Variants in EFHD1 observed in about 807,000 individuals in gnomAD.
EFHD1 encodes the protein EF-hand domain-containing protein D1.
EFHD1 carries 10 observed loss-of-function variants against 17.2 expected under a neutral mutation model. The observed-to-expected ratio is 0.58, with a 90% CI of 0.36 to 0.99. The LOEUF is 0.99. Ranked by LOEUF, EFHD1 falls within the 50% of genes least tolerant of loss-of-function variation. The probability of loss-of-function intolerance (pLI) is 0.01; values close to 1 mark genes in which losing one functional copy is unlikely to be tolerated. For synonymous variants in EFHD1, 153 were observed against 142.0 expected (o/e 1.08, Z -0.55); for missense variants, 310 against 327.5 (o/e 0.95, Z 0.41).
At chr2:232,668,685 G>T (rs916563179) in intron 2 of EFHD1, among the ~76,000 whole-genome samples, 1 of 152,126 alleles carries the variant, frequency 6.6e-6, no homozygotes, top group African/African-American at 2.4e-5. Flanking sequence ...CCAGGCTGGA[G>T]TGCAATGGCG....
At chr2:232,608,544 T>A (rs1019252613) in intron 1 of EFHD1, among the ~76,000 whole-genome samples, 2 of 152,212 alleles carry the variant, frequency 1.3e-5, no homozygotes, top group Admixed American at 1.3e-4. Flanking sequence ...TTTTGATCTA[T>A]GGTTGGTTGA....
chr2:232,654,614 G>A (rs1165966254), intron 1 of EFHD1, among the ~76,000 whole-genome samples: 1 of 151,986 alleles, frequency 6.6e-6, no homozygotes, highest in African/African-American at 2.4e-5. Flanking sequence ...TTTTAGTAGA[G>A]ACAGGGTTTC....
chr2:232,651,385 A>C (rs1694651286), intron 1 of EFHD1, among the ~76,000 whole-genome samples: 1 of 152,226 alleles, frequency 6.6e-6, no homozygotes, highest in African/African-American at 2.4e-5. Flanking sequence ...ATCCACCTGC[A>C]TTTGCCTTTC....
chr2:232,608,620 CAA>C (rs1693760875), intron 1 of EFHD1, among the ~76,000 whole-genome samples: 1 of 152,126 alleles, frequency 6.6e-6, no homozygotes, highest in South Asian at 2.1e-4. Flanking sequence ...ATCAGCATTG[CAA>C]AGAGAGGGAA....
chr2:232,610,577 C>T (rs901157522), intron 1 of EFHD1, among the ~76,000 whole-genome samples: 2 of 151,422 alleles, frequency 1.3e-5, no homozygotes, highest in Non-Finnish European at 2.9e-5. Flanking sequence ...CCCCCCGCCC[C>T]GAAAAAATAT....
intron 2 of EFHD1, among the ~76,000 whole-genome samples, chr2:232,671,974 T>C (rs1030268703): frequency 1.3e-5 from 2 of 151,492 alleles, no homozygotes; most frequent in African/African-American, 4.9e-5. Context: ...TGAGAATCGC[T>C]TGAGCCCAGA....
At chr2:232,652,216 G>A (rs1440211625) in intron 1 of EFHD1, among the ~76,000 whole-genome samples, 1 of 152,134 alleles carries the variant, frequency 6.6e-6, no homozygotes, top group Non-Finnish European at 1.5e-5. Flanking sequence ...TGCATATGTC[G>A]GTAGCCATGG....
chr2:232,630,463 G>T (rs1352903474), upstream of EFHD1, among the ~76,000 whole-genome samples: 1 of 152,136 alleles, frequency 6.6e-6, no homozygotes, highest in Admixed American at 6.5e-5. Flanking sequence ...AGCTCAGAGG[G>T]CGTTCTGTCT....
intron 1 of EFHD1, among the ~76,000 whole-genome samples, chr2:232,654,365 C>T (rs1326118625): frequency 1.3e-5 from 2 of 151,408 alleles, no homozygotes; most frequent in African/African-American, 4.8e-5. Context: ...TTCTAGACTC[C>T]TCTCAGTTCG....
upstream of EFHD1, among the ~76,000 whole-genome samples, chr2:232,630,944 G>T (rs1475384693): frequency 6.6e-6 from 1 of 152,004 alleles, no homozygotes; most frequent in Non-Finnish European, 1.5e-5. Context: ...TTCTATTACT[G>T]GCCGGGCACA....
At chr2:232,644,498 T>G (rs1209460018) in intron 1 of EFHD1, among the ~76,000 whole-genome samples, 2 of 151,822 alleles carry the variant, frequency 1.3e-5, no homozygotes, top group Non-Finnish European at 2.9e-5. Context: ...GCTGGTTTTC[T>G]TTTCTTTTTT....
intron 1 of EFHD1, among the ~76,000 whole-genome samples, chr2:232,648,462 C>T (rs1218021008): frequency 1.3e-4 from 19 of 151,828 alleles, no homozygotes; most frequent in Admixed American, 1.2e-3. Context: ...GGGGAGGACC[C>T]ACCCAACCAG....
At chr2:232,635,899 G>C (rs1694310602) in intron 1 of EFHD1, among the ~76,000 whole-genome samples, 1 of 151,960 alleles carries the variant, frequency 6.6e-6, no homozygotes, top group Admixed American at 6.6e-5. Flanking sequence ...CCAGTACTTG[G>C]TATTTCTTTC....
At chr2:232,659,288 A>G (rs921056286) in intron 1 of EFHD1, among the ~76,000 whole-genome samples, 1 of 151,992 alleles carries the variant, frequency 6.6e-6, no homozygotes, top group African/African-American at 2.4e-5. Flanking sequence ...AAGTGAGGGC[A>G]CTGAGAAAAA....
At chr2:232,628,629 CTTTTCT>C (rs1694147762), upstream of EFHD1, among the ~76,000 whole-genome samples, 1 of 152,140 alleles carries the variant, frequency 6.6e-6, no homozygotes, top group African/African-American at 2.4e-5. Flanking sequence ...AAAGAGAAAT[CTTTTCT>C]TGTCCAGATG....
At chr2:232,679,752 G>A (rs74776078) in intron 3 of EFHD1, among the ~76,000 whole-genome samples, 4,870 of 146,524 alleles carry the variant, frequency 0.033, 176 homozygotes, top group East Asian at 0.21. Context: ...CAAATTTAAA[G>A]ATAATATAAT....
intron 1 of EFHD1, among the ~76,000 whole-genome samples, chr2:232,640,440 C>T (rs142959161): frequency 2.0e-5 from 3 of 152,250 alleles, no homozygotes; most frequent in Non-Finnish European, 2.9e-5. Context: ...CTAGTGTGTG[C>T]TCCTGTGGTA....
intron 2 of EFHD1, among the ~76,000 whole-genome samples, chr2:232,670,376 G>A (rs925803789): frequency 2.0e-5 from 3 of 152,118 alleles, no homozygotes; most frequent in Non-Finnish European, 4.4e-5. Flanking sequence ...GGGAGGCAGA[G>A]GTTGCAGTGA....
chr2:232,647,653 T>TTTTTTTTTTTG (rs1553599475), intron 1 of EFHD1, among the ~76,000 whole-genome samples: 1 of 151,566 alleles, frequency 6.6e-6, no homozygotes, highest in Admixed American at 6.6e-5. Context: ...CTTTTTTTTT[T>TTTTTTTTTTTG]GAGACGGAGT....
Sources: allele counts gnomAD v4.1 joint callset (sites outside exome capture counted in the v4.1 genomes callset), GRCh38; gene constraint gnomAD v4.1.1; transcripts MANE v1.5; gene names NCBI Gene and HGNC (gene_info 2026-07-23, HGNC 2026-07-21).